IFT43: variants seen among roughly 807,000 people sequenced by gnomAD.
IFT43 encodes intraflagellar transport 43.
IFT43 carries 33 observed loss-of-function variants against 32.3 expected under a neutral mutation model. That is an observed-to-expected ratio of 1.02 (90% confidence interval 0.77 to 1.37). The LOEUF is 1.37. Among genes scored for constraint, IFT43 ranks in the 40% most tolerant of loss-of-function variants. The probability of loss-of-function intolerance (pLI) is 0.00; values close to 1 mark genes in which losing one functional copy is unlikely to be tolerated. For missense variants in IFT43, 274 were observed against 265.9 expected, an observed-to-expected ratio of 1.03 and a Z score of -0.21; for synonymous variants, 93 against 98.2, an observed-to-expected ratio of 0.95 and a Z score of 0.31.
chr14:76,042,334 G>A (rs1183343617), intron 3 of IFT43, among the ~76,000 whole-genome samples: 2 of 151,868 alleles, frequency 1.3e-5, no homozygotes, highest in South Asian at 2.1e-4. Flanking sequence ...TTGGACCCAC[G>A]TAAGTCTGAT....
At chr14:76,028,924 G>A (rs186119205) in intron 3 of IFT43, among the ~76,000 whole-genome samples, 24 of 152,128 alleles carry the variant, frequency 1.6e-4, no homozygotes, top group South Asian at 1.2e-3. Context: ...ATGAATATAC[G>A]TTTGCAAGTG....
chr14:76,011,122 C>T (rs1015921536), intron 2 of IFT43, among the ~76,000 whole-genome samples: 5 of 152,024 alleles, frequency 3.3e-5, no homozygotes, highest in African/African-American at 1.2e-4. Flanking sequence ...GTTGCCCAGG[C>T]TGGTCTTGAA....
chr14:76,061,614 G>A (rs1481324453), intron 5 of IFT43, among the ~76,000 whole-genome samples: 1 of 151,948 alleles, frequency 6.6e-6, no homozygotes, highest in Non-Finnish European at 1.5e-5. Flanking sequence ...CCATCTAGTG[G>A]ATTATTATTT....
intron 3 of IFT43, among the ~76,000 whole-genome samples, chr14:76,047,733 CT>C (rs74779039): frequency 3.3e-3 from 465 of 141,312 alleles, no homozygotes; most frequent in Middle Eastern, 7.2e-3. Context: ...TCCCTCCCTC[CT>C]TTTTTTTTTT....
At chr14:76,080,272 C>T (rs1594869565) in intron 5 of IFT43, among the ~76,000 whole-genome samples, 1 of 152,300 alleles carries the variant, frequency 6.6e-6, no homozygotes, top group Non-Finnish European at 1.5e-5. Context: ...GTGTGGCCAG[C>T]CCCACCAGCG....
chr14:76,068,712 T>C (rs770448256), intron 5 of IFT43, among the ~76,000 whole-genome samples: 3 of 152,234 alleles, frequency 2.0e-5, no homozygotes, highest in African/African-American at 4.8e-5. Flanking sequence ...GAAAGTTGTA[T>C]GGTGTTAGAG....
chr14:75,987,426 A>C (rs764365494), intron 1 of IFT43, among the ~76,000 whole-genome samples: 1 of 152,230 alleles, frequency 6.6e-6, no homozygotes, highest in Non-Finnish European at 1.5e-5. Context: ...TGGGGCAGTC[A>C]GTCCTTAGAA....
chr14:76,033,013 A>G (rs559901066), intron 3 of IFT43, among the ~76,000 whole-genome samples: 128 of 152,348 alleles, frequency 8.4e-4, no homozygotes, highest in African/African-American at 2.9e-3. Flanking sequence ...CCATAGCTCA[A>G]GAGTCTAAAA....
intron 5 of IFT43, among the ~76,000 whole-genome samples, chr14:76,067,709 T>G (rs1297260884): frequency 6.6e-6 from 1 of 152,160 alleles, no homozygotes; most frequent in Non-Finnish European, 1.5e-5. Flanking sequence ...TGGGAACTAT[T>G]TACAAGACCA....
chr14:76,061,788 C>G (rs930699611), intron 5 of IFT43, among the ~76,000 whole-genome samples: 16 of 152,080 alleles, frequency 1.1e-4, no homozygotes, highest in Non-Finnish European at 5.9e-5. Flanking sequence ...TTTCGGAGTT[C>G]AGATTTTTTT....
chr14:75,995,764 A>G (rs765411991), intron 2 of IFT43, among the ~76,000 whole-genome samples: 7 of 152,164 alleles, frequency 4.6e-5, no homozygotes, highest in Non-Finnish European at 7.3e-5. Flanking sequence ...CCGCTCTCCA[A>G]TCGGCTGGGT....
At chr14:76,032,065 C>G (rs1053317465) in intron 3 of IFT43, among the ~76,000 whole-genome samples, 8 of 152,122 alleles carry the variant, frequency 5.3e-5, no homozygotes, top group Non-Finnish European at 1.0e-4. Flanking sequence ...CCTTCTACCC[C>G]CTCCCCTAAT....
chr14:76,009,439 T>G (rs1231246329), intron 2 of IFT43, among the ~76,000 whole-genome samples: 1 of 152,038 alleles, frequency 6.6e-6, no homozygotes, highest in Non-Finnish European at 1.5e-5. Flanking sequence ...AATGTATTAT[T>G]TCTAATTACC....
chr14:75,986,231 C>T, intron 1 of IFT43: 1 of 1,296,620 alleles, frequency 7.7e-7, no homozygotes, highest in Non-Finnish European at 1.0e-6. Flanking sequence ...TTTGGGACAC[C>T]TCGTCGCAGA....
In IFT43 at chr14:76,083,207, T is replaced by A. The variant is rs1448464215; in HGVS notation, c.445-20T>A. The A allele has an allele frequency of 6.2e-7, 1 of 1,614,178 alleles. No homozygotes were observed. Among genetic ancestry groups the A allele is most frequent in the Non-Finnish European group, 8.5e-7 (1 of 1,179,990 alleles). ...GCCCTCAAGGTGCTCAGCCTGACCTTTTTTTGTTTGCATTCACAGGATGGG... is the reference window on the plus strand; with the variant it reads ...GCCCTCAAGGTGCTCAGCCTGACCTATTTTTGTTTGCATTCACAGGATGGG... On this transcript the variant is annotated intron_variant, in intron 7 of 8. Coordinates refer to ENST00000314067, the MANE Select transcript of IFT43 (RefSeq NM_001102564.3).
At chr14:76,061,573 T>G (rs557766161) in intron 5 of IFT43, among the ~76,000 whole-genome samples, 2 of 152,334 alleles carry the variant, frequency 1.3e-5, no homozygotes, top group South Asian at 4.2e-4. Context: ...AACTGGTCTT[T>G]TCTTCTACAA....
chr14:76,059,266 A>T, intron 4 of IFT43, 61 bp from the exon 5 acceptor site: 1 of 1,613,226 alleles, frequency 6.2e-7, no homozygotes, highest in Non-Finnish European at 8.5e-7. Flanking sequence ...AACATTTGGG[A>T]TGTTCCTTTC....
intron 2 of IFT43, among the ~76,000 whole-genome samples, chr14:75,991,692 A>G (rs2035646602): frequency 6.6e-6 from 1 of 152,186 alleles, no homozygotes; most frequent in South Asian, 2.1e-4. Context: ...TCAGCCATTC[A>G]GTAATACCTA....
chr14:76,004,637 T>C (rs183143309), intron 2 of IFT43, among the ~76,000 whole-genome samples: 8 of 152,346 alleles, frequency 5.3e-5, no homozygotes, highest in African/African-American at 1.7e-4. Context: ...TTCTTTCTCT[T>C]TGTGCCTGGG....
Sources: allele counts gnomAD v4.1 joint callset (sites outside exome capture counted in the v4.1 genomes callset), GRCh38; gene constraint gnomAD v4.1.1; transcripts MANE v1.5; gene names NCBI Gene and HGNC (gene_info 2026-07-23, HGNC 2026-07-21).